NEMP2: variants seen among roughly 807,000 people sequenced by gnomAD.
The protein encoded by NEMP2 is nuclear envelope integral membrane protein 2.
NEMP2 carries 53 observed loss-of-function variants against 54.2 expected under a neutral mutation model. The observed-to-expected ratio is 0.98, with a 90% CI of 0.78 to 1.23. The LOEUF (loss-of-function observed/expected upper bound fraction) is 1.23. Ranked by LOEUF, NEMP2 falls within the 50% of genes most tolerant of loss-of-function variation. The pLI, the probability that NEMP2 is intolerant of heterozygous loss-of-function variation, is 0.00. For missense variants in NEMP2, 455 were observed against 511.3 expected (o/e 0.89, Z 1.06); for synonymous variants, 197 against 190.3 (o/e 1.04, Z -0.29).
the NEMP2 span, among the ~76,000 whole-genome samples, chr2:190,587,672 T>C: frequency 1.3e-5 from 2 of 152,270 alleles, no homozygotes; most frequent in East Asian, 3.9e-4. This position sits in a 1 kb window ranked among gnomAD's most constrained non-coding sequence, Gnocchi z 5.4. Context: ...TAGTAGTGAA[T>C]TGACCAAATT....
intron 1 of NEMP2, 82 bp downstream of exon 1, chr2:190,534,477 C>A (rs1245584222): frequency 9.3e-6 from 12 of 1,286,718 alleles, no homozygotes; most frequent in Non-Finnish European, 1.2e-5. Flanking sequence ...GCCGCCCGGG[C>A]CAAAGAGCGC....
At chr2:190,562,727 A>G in the NEMP2 span, among the ~76,000 whole-genome samples, 1 of 150,134 alleles carries the variant, frequency 6.7e-6, no homozygotes, top group South Asian at 2.1e-4. This position sits in a 1 kb window ranked among gnomAD's most constrained non-coding sequence, Gnocchi z 5.0. Flanking sequence ...ATATTTTTTT[A>G]AATATCATGT....
chr2:190,429,227 CGTGT>C, the NEMP2 span, among the ~76,000 whole-genome samples: 93 of 148,908 alleles, frequency 6.2e-4, 1 homozygote, highest in Admixed American at 4.5e-3. Flanking sequence ...TCTTTTGTTA[CGTGT>C]GTGTGTGTGT....
the NEMP2 span, among the ~76,000 whole-genome samples, chr2:190,612,478 T>C: frequency 1.3e-5 from 2 of 152,128 alleles, no homozygotes; most frequent in Admixed American, 6.6e-5. Context: ...AAACAACCAG[T>C]TATTTTACTT....
the NEMP2 span, chr2:190,641,243 C>T: frequency 2.0e-5 from 3 of 152,230 alleles, no homozygotes; most frequent in Non-Finnish European, 4.4e-5. Flanking sequence ...CTGTAATCTC[C>T]ATCCTCTTTC....
chr2:190,497,920 CT>C, the NEMP2 span: 1 of 503,336 alleles, frequency 2.0e-6, no homozygotes, highest in South Asian at 4.1e-5. The surrounding 1 kb of genome is among the most constrained non-coding windows in gnomAD (Gnocchi z 5.2). Context: ...AATATTCTGC[CT>C]TATGGAGTTC....
rs1212394251 is a variant in NEMP2 at position 190,510,880 on chromosome 2, CAAAA to C, written c.954-347_954-344del. On this transcript the variant is annotated intron_variant, in intron 7 of 8. Coordinates refer to ENST00000409150, the MANE Select transcript of NEMP2 (RefSeq NM_001142645.2). The surrounding 1 kb of genome is among the most constrained non-coding windows in gnomAD (Gnocchi z 5.7). ...TGGGCGACAGAGGGAGACTCCGTCT[CAAAA>C]AAAAAAAAAAAAGATTTACAAAAAT... Among the ~76,000 whole-genome samples the C allele has an allele frequency of 6.3e-5, 4 of 63,222 alleles. No individual in the cohort carries two copies. Among genetic ancestry groups the C allele is most frequent in the African/African-American group, 6.2e-5 (1 of 16,004 alleles). The allele number at this position is 63,222 out of a possible 152,430, so 41.5% of individuals were successfully genotyped here.
chr2:190,583,216 T>C, the NEMP2 span, among the ~76,000 whole-genome samples: 1 of 148,976 alleles, frequency 6.7e-6, no homozygotes, highest in Admixed American at 7.0e-5. Context: ...CCTCTGTGAT[T>C]TGAAAGTCAT....
At chr2:190,500,941 A>G (rs949620637), downstream of NEMP2, 12 of 152,000 alleles carry the variant, frequency 7.9e-5, no homozygotes, top group South Asian at 1.0e-3. The surrounding 1 kb of genome is among the most constrained non-coding windows in gnomAD (Gnocchi z 5.3). Flanking sequence ...GGGCTTTGAG[A>G]AAAAAAACAG....
chr2:190,433,282 T>A, the NEMP2 span: 1 of 151,700 alleles, frequency 6.6e-6, no homozygotes, highest in Non-Finnish European at 1.5e-5. The surrounding 1 kb of genome is among the most constrained non-coding windows in gnomAD (Gnocchi z 4.5). Flanking sequence ...GGAATTAAAT[T>A]AATTTAGAAA....
the NEMP2 span, among the ~76,000 whole-genome samples, chr2:190,497,225 T>C: frequency 2.6e-5 from 4 of 152,136 alleles, no homozygotes; most frequent in Non-Finnish European, 5.9e-5. This position sits in a 1 kb window ranked among gnomAD's most constrained non-coding sequence, Gnocchi z 5.2. Context: ...CTAATGTCTA[T>C]TAAGGCCTAT....
chr2:190,632,541 T>G, the NEMP2 span, among the ~76,000 whole-genome samples: 2 of 152,270 alleles, frequency 1.3e-5, no homozygotes, highest in Non-Finnish European at 2.9e-5. The surrounding 1 kb of genome is among the most constrained non-coding windows in gnomAD (Gnocchi z 4.8). Context: ...TCTCTGATAA[T>G]GGGCCTTGGC....
the NEMP2 span, among the ~76,000 whole-genome samples, chr2:190,612,400 C>T: frequency 5.0e-3 from 767 of 152,262 alleles, 5 homozygotes; most frequent in Middle Eastern, 0.031. Context: ...GTGATCTGCC[C>T]TCCTCAGCCT....
chr2:190,476,366 AAAC>A, the NEMP2 span, among the ~76,000 whole-genome samples: 1 of 152,116 alleles, frequency 6.6e-6, no homozygotes, highest in Non-Finnish European at 1.5e-5. Flanking sequence ...TATAAGAAAA[AAAC>A]AACCCCATCA....
the NEMP2 span, among the ~76,000 whole-genome samples, chr2:190,578,787 A>C: frequency 6.6e-6 from 1 of 151,786 alleles, no homozygotes; most frequent in Non-Finnish European, 1.5e-5. The surrounding 1 kb of genome is among the most constrained non-coding windows in gnomAD (Gnocchi z 4.4). Flanking sequence ...GGAAAAAAAA[A>C]GCGGAGGGAG....
chr2:190,456,270 C>T, the NEMP2 span, among the ~76,000 whole-genome samples: 1 of 152,046 alleles, frequency 6.6e-6, no homozygotes, highest in East Asian at 1.9e-4. This position sits in a 1 kb window ranked among gnomAD's most constrained non-coding sequence, Gnocchi z 5.4. Context: ...CTTGAAAAAT[C>T]CATGACTTAA....
chr2:190,488,130 T>C, the NEMP2 span, among the ~76,000 whole-genome samples: 1 of 152,212 alleles, frequency 6.6e-6, no homozygotes. The surrounding 1 kb of genome is among the most constrained non-coding windows in gnomAD (Gnocchi z 6.4). Flanking sequence ...CTCAATCTCC[T>C]GACCTCGTGA....
the NEMP2 span, among the ~76,000 whole-genome samples, chr2:190,465,538 A>G: frequency 6.6e-6 from 1 of 152,154 alleles, no homozygotes; most frequent in Non-Finnish European, 1.5e-5. This position sits in a 1 kb window ranked among gnomAD's most constrained non-coding sequence, Gnocchi z 4.6. Context: ...CCCTGAACAT[A>G]TGCTCATATT....
At chr2:190,475,033 C>T in the NEMP2 span, among the ~76,000 whole-genome samples, 2 of 152,148 alleles carry the variant, frequency 1.3e-5, no homozygotes, top group Non-Finnish European at 2.9e-5. Flanking sequence ...GCTAAAAACT[C>T]TCAATAAATT....
Sources: allele counts gnomAD v4.1 joint callset (sites outside exome capture counted in the v4.1 genomes callset), GRCh38; gene constraint gnomAD v4.1.1; non-coding constraint Gnocchi (gnomAD v3.1); transcripts MANE v1.5; gene names NCBI Gene and HGNC (gene_info 2026-07-23, HGNC 2026-07-21).